PAK1: variants seen among roughly 807,000 people sequenced by gnomAD.
The protein encoded by PAK1 is p21 (RAC1) activated kinase 1.
PAK1 carries 29 observed loss-of-function variants against 67.4 expected under a neutral mutation model. The ratio of observed to expected loss-of-function variants is 0.43; its 90% CI spans 0.32 to 0.59. PAK1 has a LOEUF of 0.59. PAK1 is among the 20% of genes least tolerant of loss of function. The probability of loss-of-function intolerance (pLI) is 0.07; values close to 1 mark genes in which losing one functional copy is unlikely to be tolerated. For missense variants in PAK1, 337 were observed against 670.7 expected, an observed-to-expected ratio of 0.50 and a Z score of 5.50; for synonymous variants, 223 against 237.4, an observed-to-expected ratio of 0.94 and a Z score of 0.56.
chr11:77,329,680 C>A (rs1222095549), intron 14 of PAK1, among the ~76,000 whole-genome samples: 2 of 151,896 alleles, frequency 1.3e-5, no homozygotes, highest in East Asian at 3.9e-4. Flanking sequence ...CAATATCATA[C>A]TGAATGGGCA....
chr11:77,507,869 G>A, the PAK1 span, among the ~76,000 whole-genome samples: 1 of 152,040 alleles, frequency 6.6e-6, no homozygotes, highest in East Asian at 1.9e-4. Context: ...CAGGTAAAAA[G>A]TATCTACTAT....
intron 4 of PAK1, among the ~76,000 whole-genome samples, chr11:77,376,118 C>A (rs983863654): frequency 5.3e-5 from 8 of 152,186 alleles, no homozygotes; most frequent in African/African-American, 9.7e-5. Flanking sequence ...GCCTTCACTG[C>A]ACTACCCCCA....
intron 5 of PAK1, among the ~76,000 whole-genome samples, chr11:77,371,347 C>T (rs747073948): frequency 5.3e-5 from 8 of 152,194 alleles, no homozygotes; most frequent in Non-Finnish European, 1.0e-4. Flanking sequence ...CCCTATTGTA[C>T]ATTATTCATG....
chr11:77,523,397 G>C, the PAK1 span, among the ~76,000 whole-genome samples: 3 of 151,630 alleles, frequency 2.0e-5, no homozygotes, highest in Non-Finnish European at 2.9e-5. Context: ...GGCACATGAG[G>C]GTTTATCATT....
At position 77,392,419 on chromosome 11, in the gene PAK1, T is replaced by A. The variant is rs1279819527; in HGVS notation, c.102A>T (p.Leu34=). 6.2e-7 allele frequency: 1 copy of A among 1,614,038 alleles called. No homozygotes were observed. The highest frequency in any genetic ancestry group is 1.7e-5 in the Admixed American group (1 of 60,014). The change falls in exon 2 of 15, where the codon CTA becomes CTT. Residue 34 remains leucine, a synonymous_variant. Transcript: ENST00000356341. ...GAGGCAGAGGTTTAGAACCATGGTT[T>A]AGGGTTCCAGCATCTTTGCTGCCGG... ...IGAGSKDAGT[L]NHGSKPLPPN... is the part of the protein sequence containing the mutation.
intron 1 of PAK1, among the ~76,000 whole-genome samples, chr11:77,456,570 T>C (rs1443883054): frequency 6.6e-6 from 1 of 152,152 alleles, no homozygotes; most frequent in African/African-American, 2.4e-5. Flanking sequence ...GGCTATAAAT[T>C]AAAGCAGAAG....
At chr11:77,376,887 G>C (rs1949162782) in intron 4 of PAK1, among the ~76,000 whole-genome samples, 1 of 152,116 alleles carries the variant, frequency 6.6e-6, no homozygotes, top group Admixed American at 6.6e-5. Flanking sequence ...GAGTCACTTG[G>C]GGTATGTCAT....
At chr11:77,469,566 T>G (rs1369319106) in intron 1 of PAK1, among the ~76,000 whole-genome samples, 1 of 152,178 alleles carries the variant, frequency 6.6e-6, no homozygotes, top group Non-Finnish European at 1.5e-5. Context: ...AAAAATTACT[T>G]CTACAAGGTC....
rs773619567 is a variant in PAK1, at chr11:77,343,943, A to G, written c.886-12T>C. ...TGCTTAATGGCCACCTGAAATCAAG[A>G]GTATATTCAATGTGCAACCATAGTC... On this transcript the variant is annotated splice_polypyrimidine_tract_variant and intron_variant, in intron 9 of 14. Transcript: ENST00000356341. The G allele has an allele frequency of 7.1e-6, 11 of 1,556,380 alleles. No individual in the cohort carries two copies. Among genetic ancestry groups the G allele is most frequent in the East Asian group, 2.2e-5 (1 of 44,602 alleles).
At chr11:77,479,437 AG>A (rs1374945882), upstream of PAK1, among the ~76,000 whole-genome samples, 1 of 152,052 alleles carries the variant, frequency 6.6e-6, no homozygotes, top group Non-Finnish European at 1.5e-5. Flanking sequence ...GAAAACTTAT[AG>A]GGGGCCAAAG....
intron 1 of PAK1, among the ~76,000 whole-genome samples, chr11:77,434,912 C>A (rs1308713488): frequency 6.6e-6 from 1 of 152,012 alleles, no homozygotes; most frequent in Non-Finnish European, 1.5e-5. Flanking sequence ...AGCCACCAGG[C>A]CTGGCCCAGA....
At chr11:77,439,261 T>C (rs1257324844) in intron 1 of PAK1, among the ~76,000 whole-genome samples, 1 of 152,176 alleles carries the variant, frequency 6.6e-6, no homozygotes. Context: ...CTTCTATCTT[T>C]TAAAAGTTAG....
intron 1 of PAK1, among the ~76,000 whole-genome samples, chr11:77,444,089 T>C (rs1956483802): frequency 1.3e-5 from 2 of 152,244 alleles, no homozygotes; most frequent in South Asian, 4.1e-4. Flanking sequence ...AGATGGAACT[T>C]GCCAGACACA....
chr11:77,527,057 G>A, the PAK1 span, among the ~76,000 whole-genome samples: 10 of 152,176 alleles, frequency 6.6e-5, no homozygotes, highest in South Asian at 2.1e-3. Flanking sequence ...ACCAATAAAG[G>A]AAATTAAGAA....
intron 1 of PAK1, among the ~76,000 whole-genome samples, chr11:77,393,157 T>G (rs1951356521): frequency 6.6e-6 from 1 of 151,996 alleles, no homozygotes; most frequent in African/African-American, 2.4e-5. Flanking sequence ...CAACAGAGAT[T>G]GTATGTCCAC....
the PAK1 span, among the ~76,000 whole-genome samples, chr11:77,499,135 T>TAAAAAAAAA: frequency 7.1e-6 from 1 of 141,188 alleles, no homozygotes. Flanking sequence ...CACTCACTAC[T>TAAAAAAAAA]AAAAAAAAAA....
chr11:77,425,254 T>A (rs1955488395), intron 1 of PAK1, among the ~76,000 whole-genome samples: 1 of 151,330 alleles, frequency 6.6e-6, no homozygotes, highest in Admixed American at 6.6e-5. Context: ...TCCAAAAACT[T>A]CAGACACAGG....
chr11:77,497,518 A>G, the PAK1 span, among the ~76,000 whole-genome samples: 1 of 152,228 alleles, frequency 6.6e-6, no homozygotes, highest in African/African-American at 2.4e-5. Context: ...CTGCTTTCAC[A>G]GCCATTAATT....
chr11:77,482,851 C>T, the PAK1 span, among the ~76,000 whole-genome samples: 3 of 151,990 alleles, frequency 2.0e-5, no homozygotes, highest in Admixed American at 6.6e-5. Flanking sequence ...GCGATCCTCC[C>T]GACTTCAGAC....
Sources: gnomAD v4.1 joint callset for allele counts (sites outside exome capture counted in the v4.1 genomes callset) on GRCh38, gnomAD v4.1.1 for gene constraint, MANE v1.5 for transcripts, NCBI Gene and HGNC (gene_info 2026-07-23, HGNC 2026-07-21) for gene names.